The following PRKCH variants were observed in gnomAD, a reference collection of about 807,000 sequenced individuals.
PRKCH encodes the protein protein kinase C eta type.
A neutral mutation model predicts 82.5 loss-of-function variants in PRKCH; 28 were observed. That is an observed-to-expected ratio of 0.34 (90% CI 0.25 to 0.47). The LOEUF (loss-of-function observed/expected upper bound fraction) is 0.47, where lower values mean the gene tolerates loss of function less well. PRKCH is among the 20% of genes least tolerant of loss of function. The probability of loss-of-function intolerance (pLI) is 1.00; values close to 1 mark genes in which losing one functional copy is unlikely to be tolerated. For synonymous variants in PRKCH, 322 were observed against 327.4 expected (o/e 0.98, Z 0.18); for missense variants, 705 against 881.8 (o/e 0.80, Z 2.54).
intron 1 of PRKCH, among the ~76,000 whole-genome samples, chr14:61,346,360 A>C (rs1386649879): frequency 6.6e-6 from 1 of 152,232 alleles, no homozygotes; most frequent in African/African-American, 2.4e-5. Context: ...ATTCCTAGGT[A>C]AAGTCACAAC....
At chr14:61,413,556 C>T (rs1384184630) in intron 2 of PRKCH, among the ~76,000 whole-genome samples, 1 of 152,094 alleles carries the variant, frequency 6.6e-6, no homozygotes, top group East Asian at 1.9e-4. Context: ...TCCTTAGCCT[C>T]TGTTCCAGAG....
chr14:61,211,899 C>T (rs1392416536), intron 1 of PRKCH, among the ~76,000 whole-genome samples: 1 of 152,148 alleles, frequency 6.6e-6, no homozygotes, highest in Non-Finnish European at 1.5e-5. Flanking sequence ...ACAGTCCTAG[C>T]CAAGAGGGCA....
At chr14:61,493,157 G>A (rs1000767224) in intron 10 of PRKCH, among the ~76,000 whole-genome samples, 4 of 152,144 alleles carry the variant, frequency 2.6e-5, no homozygotes, top group African/African-American at 9.7e-5. Context: ...CCTATCACAG[G>A]AAACATAAAA....
chr14:61,253,837 A>C (rs1035273715), intron 1 of PRKCH, among the ~76,000 whole-genome samples: 3 of 152,172 alleles, frequency 2.0e-5, no homozygotes, highest in Non-Finnish European at 2.9e-5. Flanking sequence ...GTTTGATGAG[A>C]TAATATATGG....
chr14:61,382,916 C>G (rs986058191), intron 1 of PRKCH, among the ~76,000 whole-genome samples: 14 of 152,108 alleles, frequency 9.2e-5, no homozygotes, highest in African/African-American at 3.1e-4. Context: ...CTCTTGAGTC[C>G]TTTGTGTAGG....
rs1477026892 is a variant in PRKCH, at chr14:61,291,061, T to C, written c.-19+103393T>C. 2.0e-5 allele frequency among the ~76,000 whole-genome samples: 3 copies of C among 152,158 alleles called. No homozygotes were observed. The East Asian group carries it at 5.8e-4, about 29-fold the overall frequency. Reference sequence around the variant, plus strand: ...CCTTAAGAAATAATTTAGTGTTTGCTCCAACAAGATAATATGCCAAGTACA... The same window carrying C: ...CCTTAAGAAATAATTTAGTGTTTGCCCCAACAAGATAATATGCCAAGTACA... On this transcript the variant is annotated intron_variant, in intron 1 of 3. Coordinates refer to the PRKCH transcript ENST00000555185.
chr14:61,434,857 C>G (rs1883598795), intron 2 of PRKCH, among the ~76,000 whole-genome samples: 2 of 152,096 alleles, frequency 1.3e-5, no homozygotes, highest in South Asian at 4.1e-4. Context: ...CCCAACTCTA[C>G]TTTTTAAAAG....
At chr14:61,424,513 TG>T (rs1375632150) in intron 2 of PRKCH, among the ~76,000 whole-genome samples, 6 of 152,210 alleles carry the variant, frequency 3.9e-5, no homozygotes, top group Non-Finnish European at 7.3e-5. Flanking sequence ...GCAAAGAGAC[TG>T]ACAGCATTTT....
chr14:61,483,266 C>A (rs927559926), intron 9 of PRKCH, among the ~76,000 whole-genome samples: 2 of 152,228 alleles, frequency 1.3e-5, no homozygotes, highest in Non-Finnish European at 2.9e-5. Flanking sequence ...GCTAATTCTA[C>A]CTTAATCCTT....
chr14:61,549,566 G>T, intron 13 of PRKCH, 119 bp from the exon 14 acceptor site: 1 of 1,074,148 alleles, frequency 9.3e-7, no homozygotes, highest in South Asian at 1.5e-5. Context: ...TGTAAATAAT[G>T]CTACTGAACA....
At chr14:61,196,252 A>G (rs879689979) in intron 1 of PRKCH, among the ~76,000 whole-genome samples, 7 of 152,230 alleles carry the variant, frequency 4.6e-5, no homozygotes, top group African/African-American at 7.2e-5. Flanking sequence ...AAGCAAAGCC[A>G]TCTGAGAATG....
intron 2 of PRKCH, among the ~76,000 whole-genome samples, chr14:61,420,948 C>G (rs1338456140): frequency 1.3e-5 from 2 of 152,072 alleles, no homozygotes; most frequent in Non-Finnish European, 2.9e-5. Flanking sequence ...CACTCTGGCC[C>G]TAGATAGGCT....
chr14:61,525,797 T>A (rs2042957919), intron 10 of PRKCH: 1 of 152,192 alleles, frequency 6.6e-6, no homozygotes, highest in South Asian at 2.1e-4. Flanking sequence ...TCAGTGACCT[T>A]GTTTGGAAAT....
intron 2 of PRKCH, among the ~76,000 whole-genome samples, chr14:61,411,098 C>T (rs1026527551): frequency 6.6e-6 from 1 of 152,140 alleles, no homozygotes; most frequent in Non-Finnish European, 1.5e-5. Context: ...AGGATTGAGC[C>T]CCAGCGACTT....
Position 61,210,132 on chromosome 14 carries a change from ATATATATATATATATATATATATATATAT to A in PRKCH, c.-19+22465_-19+22493del, listed in dbSNP as rs1566781675. ...AACAAATATATATATATATATATAT[ATATATATATATATATATATATATATATAT>A]AAATTAGCTTGGCATAGTGGCAGGC... On this transcript the variant is annotated intron_variant, in intron 1 of 3. Coordinates refer to the PRKCH transcript ENST00000555185. 6.8e-4 allele frequency among the ~76,000 whole-genome samples: 25 copies of A among 36,756 alleles called. No homozygotes were observed. In the East Asian group the frequency reaches 8.9e-3, roughly 13 times the overall value. The allele number at this position is 36,756 out of a possible 152,430, so 24.1% of individuals were successfully genotyped here.
rs57920054 is a variant in PRKCH, at chr14:61,528,973, C to CGTGTGTGTGTGTGTGTGTGTGTGTGTGT, written c.1434-96_1434-69dup. 4.6e-5 allele frequency: 26 copies of CGTGTGTGTGTGTGTGTGTGTGTGTGTGT among 567,290 alleles called. No homozygotes were observed. In the African/African-American group the frequency reaches 6.5e-4, roughly 14 times the overall value. 35.1% of individuals were successfully genotyped at this position (567,290 alleles called of 1,614,324 possible). ...GCTCATGCGGCCGCATGTGGCCGCA[C>CGTGTGTGTGTGTGTGTGTGTGTGTGTGT]GTGTGTGTGTGTGTGTGTGTGTGTG... On this transcript the variant is annotated intron_variant, in intron 10 of 13. Coordinates refer to ENST00000332981, the MANE Select transcript of PRKCH (RefSeq NM_006255.5).
chr14:61,457,020 T>C (rs546253579), intron 7 of PRKCH, 156 bp from the exon 8 acceptor site: 1 of 737,336 alleles, frequency 1.4e-6, no homozygotes, highest in South Asian at 1.9e-5. Context: ...TGAGGGAGTT[T>C]CGAGTGGCAG....
At chr14:61,472,980 T>C (rs926875897) in intron 9 of PRKCH, among the ~76,000 whole-genome samples, 56 of 152,166 alleles carry the variant, frequency 3.7e-4, no homozygotes, top group African/African-American at 1.1e-3. Flanking sequence ...GATAACACCA[T>C]GTGATGGAGA....
At chr14:61,514,608 C>T (rs1188061217) in intron 10 of PRKCH, among the ~76,000 whole-genome samples, 4 of 152,136 alleles carry the variant, frequency 2.6e-5, no homozygotes, top group African/African-American at 9.7e-5. Context: ...ACCCAGCTCC[C>T]CCCACATCCT....
Sources: allele counts gnomAD v4.1 joint callset (sites outside exome capture counted in the v4.1 genomes callset), GRCh38; gene constraint gnomAD v4.1.1; transcripts MANE v1.5; gene names NCBI Gene and HGNC (gene_info 2026-07-23, HGNC 2026-07-21).